ACOT1: variants seen among roughly 807,000 people sequenced by gnomAD.
The protein encoded by ACOT1 is acyl-CoA thioesterase 1.
In ACOT1, 8 loss-of-function variants were observed where a neutral mutation model predicts 15.7. That is an observed-to-expected ratio of 0.51 (90% CI 0.30 to 0.92). The LOEUF (loss-of-function observed/expected upper bound fraction) is 0.92. Ranked by LOEUF, ACOT1 falls within the 40% of genes least tolerant of loss-of-function variation. The probability of loss-of-function intolerance (pLI) is 0.06; values close to 1 mark genes in which losing one functional copy is unlikely to be tolerated. For missense variants in ACOT1, 151 were observed against 539.4 expected, an observed-to-expected ratio of 0.28 and a Z score of 7.13; for synonymous variants, 67 against 241.2, an observed-to-expected ratio of 0.28 and a Z score of 6.69.
the ACOT1 span, chr14:73,491,807 G>A: frequency 1.3e-6 from 2 of 1,598,716 alleles, no homozygotes; most frequent in Non-Finnish European, 1.7e-6. Context: ...GCATTTGGAC[G>A]CCGCTCGCTA....
At chr14:73,493,102 T>C in the ACOT1 span, 1 of 1,612,238 alleles carries the variant, frequency 6.2e-7, no homozygotes, top group Non-Finnish European at 8.5e-7. Flanking sequence ...CCTCGGAAGG[T>C]CTTCTAGGAA....
At chr14:73,500,451 G>T in the ACOT1 span, 1 of 1,284,152 alleles carries the variant, frequency 7.8e-7, no homozygotes, top group Non-Finnish European at 1.1e-6. Context: ...CTCTCATTCT[G>T]TGTCCCCACA....
chr14:73,491,186 A>G, the ACOT1 span: 1 of 1,598,826 alleles, frequency 6.3e-7, no homozygotes, highest in Non-Finnish European at 8.5e-7. Context: ...GAGGACGCAG[A>G]CGCTGCCTAG....
chr14:73,538,154 A>T (rs747989865), intron 1 of ACOT1, among the ~76,000 whole-genome samples: 4 of 112,426 alleles, frequency 3.6e-5, no homozygotes, highest in African/African-American at 1.2e-4. Context: ...TTATTTTTTT[A>T]TTTTTATTTT....
chr14:73,526,713 T>C, the ACOT1 span, among the ~76,000 whole-genome samples: 1 of 152,218 alleles, frequency 6.6e-6, no homozygotes, highest in Admixed American at 6.5e-5. Context: ...ACTGCTCTGA[T>C]GGGTCAGATT....
chr14:73,514,004 A>T, the ACOT1 span: 1 of 1,606,656 alleles, frequency 6.2e-7, no homozygotes, highest in Admixed American at 1.7e-5. Context: ...ACAAACGTAC[A>T]GTATCACAGG....
At chr14:73,492,024 G>A in the ACOT1 span, 2 of 1,614,016 alleles carry the variant, frequency 1.2e-6, no homozygotes, top group South Asian at 2.2e-5. The surrounding 1 kb of genome is among the most constrained non-coding windows in gnomAD (Gnocchi z 4.9). Context: ...AACTCGCAGG[G>A]CTTTGCCCCC....
At chr14:73,504,927 G>A in the ACOT1 span, among the ~76,000 whole-genome samples, 3 of 152,050 alleles carry the variant, frequency 2.0e-5, no homozygotes, top group Admixed American at 6.6e-5. Context: ...CATCTTCACC[G>A]ACAGTTGGTT....
At chr14:73,509,848 ATATATATATATATATATATATTTATT>A in the ACOT1 span, among the ~76,000 whole-genome samples, 58 of 69,310 alleles carry the variant, frequency 8.4e-4, no homozygotes, top group East Asian at 1.6e-3. Flanking sequence ...ATATATATAT[ATATATATATATATATATATATTTATT>A]TATTTTATAT....
the ACOT1 span, among the ~76,000 whole-genome samples, chr14:73,510,896 T>A: frequency 1.3e-5 from 2 of 152,244 alleles, no homozygotes; most frequent in African/African-American, 2.4e-5. Context: ...AGGGCCTGCC[T>A]GTTATAAGTT....
the ACOT1 span, chr14:73,502,946 G>T: frequency 6.2e-7 from 1 of 1,614,082 alleles, no homozygotes; most frequent in Non-Finnish European, 8.5e-7. Flanking sequence ...AAGCGCCTGT[G>T]CAGCTGCTCT....
chr14:73,497,786 CT>C, the ACOT1 span, among the ~76,000 whole-genome samples: 1 of 152,210 alleles, frequency 6.6e-6, no homozygotes, highest in African/African-American at 2.4e-5. Context: ...GCCACCATGC[CT>C]GGCTAATTTT....
At chr14:73,519,309 C>T in the ACOT1 span, 1 of 649,930 alleles carries the variant, frequency 1.5e-6, no homozygotes, top group African/African-American at 1.8e-5. Flanking sequence ...CTGGGGCATC[C>T]CTTGAAGGTG....
chr14:73,534,668 AAC>A (rs750810596), upstream of ACOT1, among the ~76,000 whole-genome samples: 10 of 114,380 alleles, frequency 8.7e-5, 4 homozygotes, highest in Non-Finnish European at 1.9e-4. Context: ...CAGCCTGGGT[AAC>A]ACAGTGAGAC....
the ACOT1 span, chr14:73,519,221 T>C: frequency 6.5e-7 from 1 of 1,540,172 alleles, no homozygotes; most frequent in Non-Finnish European, 8.8e-7. Flanking sequence ...CCTTTCTCCC[T>C]GGGTTCCTAA....
chr14:73,491,419 G>T, the ACOT1 span: 1 of 1,348,730 alleles, frequency 7.4e-7, no homozygotes, highest in South Asian at 1.9e-5. Flanking sequence ...GCCTGGTGGA[G>T]GTGCCCGCCG....
the ACOT1 span, among the ~76,000 whole-genome samples, chr14:73,527,939 T>TA: frequency 1.1e-5 from 1 of 92,790 alleles, no homozygotes; most frequent in Non-Finnish European, 2.0e-5. Flanking sequence ...CCAGCCTGGG[T>TA]AACAGGGGCA....
At chr14:73,522,285 G>T in the ACOT1 span, 33 of 1,613,840 alleles carry the variant, frequency 2.0e-5, no homozygotes, top group Middle Eastern at 3.3e-4. Context: ...TAGTAAACGG[G>T]AAGCAGCAGT....
chr14:73,511,570 A>AAAT, the ACOT1 span, among the ~76,000 whole-genome samples: 1 of 149,762 alleles, frequency 6.7e-6, no homozygotes, highest in African/African-American at 2.5e-5. Flanking sequence ...TAAATAAAAT[A>AAAT]AAATAAAAAA....
Sources: allele counts gnomAD v4.1 joint callset (sites outside exome capture counted in the v4.1 genomes callset), GRCh38; gene constraint gnomAD v4.1.1; non-coding constraint Gnocchi (gnomAD v3.1); transcripts MANE v1.5; gene names NCBI Gene and HGNC (gene_info 2026-07-23, HGNC 2026-07-21).